Variants in ZNF518A observed in about 807,000 individuals in gnomAD.
ZNF518A encodes the protein zinc finger protein 518A, also known as zinc finger protein 518.
ZNF518A carries 47 observed loss-of-function variants against 102.7 expected under a neutral mutation model. The ratio of observed to expected loss-of-function variants is 0.46; its 90% CI spans 0.36 to 0.58. The LOEUF is 0.58. Among genes scored for constraint, ZNF518A ranks in the 20% least tolerant of loss-of-function variants. The pLI, the probability that ZNF518A is intolerant of heterozygous loss-of-function variation, is 0.00. For synonymous variants in ZNF518A, 652 were observed against 594.6 expected, an observed-to-expected ratio of 1.10 and a Z score of -1.40; for missense variants, 1,793 against 1,699.8, an observed-to-expected ratio of 1.05 and a Z score of -0.96.
downstream of ZNF518A, chr10:96,204,622 T>A: frequency 6.2e-7 from 1 of 1,613,606 alleles, no homozygotes; most frequent in South Asian, 1.1e-5. Context: ...TTTTTCTGGA[T>A]CAGGAAAATT....
chr10:96,204,107 G>C (rs782569622), exon 3 of ZNF518A: 1 of 1,613,468 alleles, frequency 6.2e-7, no homozygotes, highest in Non-Finnish European at 8.5e-7. Context: ...AAGAATTTCA[G>C]ATAATTAAAG....
At chr10:96,138,149 G>A (rs1336811684) in intron 3 of ZNF518A, among the ~76,000 whole-genome samples, 2 of 152,116 alleles carry the variant, frequency 1.3e-5, no homozygotes, top group Admixed American at 1.3e-4. Context: ...ATTGTACTGT[G>A]TAGTCTTTGT....
intron 3 of ZNF518A, among the ~76,000 whole-genome samples, chr10:96,149,301 G>GA (rs1777721287): frequency 6.6e-6 from 1 of 152,002 alleles, no homozygotes; most frequent in South Asian, 2.1e-4. Flanking sequence ...CTTAGAAGCA[G>GA]AAAAAAAGGG....
intron 1 of ZNF518A, among the ~76,000 whole-genome samples, chr10:96,190,634 T>C (rs1323512140): frequency 6.6e-6 from 1 of 152,228 alleles, no homozygotes; most frequent in Non-Finnish European, 1.5e-5. Flanking sequence ...AATTATTACC[T>C]TCTGGCCTTT....
rs141011717 is a variant in ZNF518A, at chr10:96,139,928, G to A, written c.-302+6280G>A. On this transcript the variant is annotated intron_variant, in intron 3 of 5. Coordinates refer to ENST00000316045, the MANE Select transcript of ZNF518A (RefSeq NM_001330736.2). ...GGCTGGAGTGCAATGGTGTGATCTC[G>A]GCTGACTGCAACCTCCACCTCCCGG... Among the ~76,000 whole-genome samples the A allele has an allele frequency of 5.5e-3, 837 of 151,688 alleles. 6 individuals are homozygous for A. Among genetic ancestry groups the A allele is most frequent in the South Asian group, 0.013 (62 of 4,786 alleles).
At chr10:96,149,500 GAAGAGAATCTTAGCATCCAACTAT>G (rs1564758039) in intron 3 of ZNF518A, among the ~76,000 whole-genome samples, 1 of 152,210 alleles carries the variant, frequency 6.6e-6, no homozygotes, top group African/African-American at 2.4e-5. Context: ...ATAGAGTGGG[GAAGAGAATCTTAGCATCCAACTAT>G]AAGTCAACCA....
rs782055417 is a variant in ZNF518A, at chr10:96,156,314, G to T, written c.-9G>T. ...GAAAAAAAGAAATTGGGACTTTTTT[G>T]GTTAAATCATGCCATCTGAACAGAA... On this transcript the variant is annotated 5_prime_UTR_variant, in exon 6 of 6. Coordinates refer to ENST00000316045, the MANE Select transcript of ZNF518A (RefSeq NM_001330736.2). The T allele has an allele frequency of 6.5e-7, 1 of 1,548,124 alleles. No homozygotes were observed. The highest frequency in any genetic ancestry group is 2.3e-5 in the East Asian group (1 of 44,274).
chr10:96,158,948 G>C lies in ZNF518A; in HGVS notation c.2626G>C (p.Glu876Gln). ...SSIPQDVRDSEKMPRISGFGT... is the reference protein window; with the variant it reads ...SSIPQDVRDSQKMPRISGFGT... ...AATACCACAAGATGTGAGAGATTCA[G>C]AGAAGATGCCTAGAATTTCAGGTTT... The change falls in exon 6 of 6, where the codon GAG (glutamate) becomes CAG (glutamine). Residue 876 changes from glutamate to glutamine, a missense_variant. Glu to Gln is a conservative substitution (Grantham distance 29). Coordinates refer to ENST00000316045, the MANE Select transcript of ZNF518A (RefSeq NM_001330736.2). 6.2e-7 allele frequency: 1 copy of C among 1,613,578 alleles called. No homozygotes were observed. Among genetic ancestry groups the C allele is most frequent in the Non-Finnish European group, 8.5e-7 (1 of 1,179,698 alleles).
At chr10:96,186,381 C>T (rs587654575) in intron 1 of ZNF518A, among the ~76,000 whole-genome samples, 4 of 152,290 alleles carry the variant, frequency 2.6e-5, no homozygotes, top group East Asian at 1.9e-4. Context: ...TTAATATGCT[C>T]ATGGAACAAT....
At chr10:96,185,363 G>A (rs1951111447) in intron 1 of ZNF518A, among the ~76,000 whole-genome samples, 1 of 152,194 alleles carries the variant, frequency 6.6e-6, no homozygotes, top group South Asian at 2.1e-4. Flanking sequence ...GAGAGGAGCT[G>A]CAATCCTTTG....
rs782803552 is a variant in ZNF518A, at chr10:96,204,057, T to C, written n.228T>C. On this transcript the variant is annotated non_coding_transcript_exon_variant, in exon 3 of 3. Coordinates refer to the ZNF518A transcript ENST00000442635. ...CACTACATGGCTTCGTTGTACTTAC[T>C]TGGCAGAGGTATGGGTTTTTGGTGG... is the stretch of plus-strand genomic sequence containing the variant. 4 of 1,613,430 alleles carry C rather than the reference T, an allele frequency of 2.5e-6. No homozygotes were observed. In the South Asian group the frequency reaches 3.3e-5, roughly 13 times the overall value.
intron 1 of ZNF518A, among the ~76,000 whole-genome samples, chr10:96,195,802 T>C (rs2083451071): frequency 6.6e-6 from 1 of 152,210 alleles, no homozygotes; most frequent in Admixed American, 6.5e-5. Context: ...TATATGTGGT[T>C]TTTTAACCAC....
downstream of ZNF518A, among the ~76,000 whole-genome samples, chr10:96,167,705 A>G (rs1448123095): frequency 1.3e-5 from 2 of 152,230 alleles, no homozygotes; most frequent in African/African-American, 4.8e-5. Flanking sequence ...ATCTGAAACA[A>G]AAAGTTTGAA....
At chr10:96,171,367 G>A (rs1372232252) in intron 1 of ZNF518A, among the ~76,000 whole-genome samples, 3 of 152,122 alleles carry the variant, frequency 2.0e-5, no homozygotes, top group Non-Finnish European at 4.4e-5. Context: ...AAATAAATGA[G>A]ATAGTAATTT....
At chr10:96,147,456 TTC>T (rs1434888699) in intron 3 of ZNF518A, among the ~76,000 whole-genome samples, 1 of 152,160 alleles carries the variant, frequency 6.6e-6, no homozygotes, top group South Asian at 2.1e-4. Context: ...TGTCATGTCT[TTC>T]TCTCTCTCTG....
intron 3 of ZNF518A, among the ~76,000 whole-genome samples, chr10:96,151,737 CTGTT>C (rs1338321205): frequency 3.3e-5 from 5 of 152,186 alleles, no homozygotes; most frequent in African/African-American, 7.2e-5. Flanking sequence ...TCTCACCAGA[CTGTT>C]TGCTGTCAGA....
At chr10:96,190,600 G>A (rs1351093632) in intron 1 of ZNF518A, among the ~76,000 whole-genome samples, 1 of 152,208 alleles carries the variant, frequency 6.6e-6, no homozygotes, top group African/African-American at 2.4e-5. Context: ...ATTATCTTTA[G>A]AAGTGAGTCA....
intron 2 of ZNF518A, 64 bp from the exon 3 acceptor site, chr10:96,133,519 T>G (rs1396692444): frequency 2.6e-5 from 4 of 152,192 alleles, no homozygotes; most frequent in Non-Finnish European, 5.9e-5. Context: ...ATTGTACCCA[T>G]GTAAAAAAAC....
In ZNF518A at chr10:96,157,324, C is replaced by G; in HGVS notation, c.1002C>G (p.Asn334Lys). Residue 334 changes from asparagine to lysine, a missense_variant, in exon 6 of 6, where the codon AAC (asparagine) becomes AAG (lysine). Around this residue, in one of 3 missense-constraint regions of ZNF518A, gnomAD observed 1,741 missense variants for 1,622.6 expected, o/e 1.07. Transcript: ENST00000316045. ...RKTFWKRKKINSGSDRSIEKN... is the reference protein window; with the variant it reads ...RKTFWKRKKIKSGSDRSIEKN... Reference sequence around the variant, plus strand: ...CGTTCTGGAAACGTAAGAAAATTAACAGTGGAAGTGACAGAAGTATAGAAA... The same window carrying G: ...CGTTCTGGAAACGTAAGAAAATTAAGAGTGGAAGTGACAGAAGTATAGAAA... 6.2e-7 allele frequency: 1 copy of G among 1,611,436 alleles called. No individual in the cohort carries two copies. Among genetic ancestry groups the G allele is most frequent in the Non-Finnish European group, 8.5e-7 (1 of 1,178,646 alleles).
Sources: allele counts gnomAD v4.1 joint callset (sites outside exome capture counted in the v4.1 genomes callset), GRCh38; gene constraint gnomAD v4.1.1; regional missense constraint gnomAD v4.1.1; transcripts MANE v1.5; gene names NCBI Gene and HGNC (gene_info 2026-07-23, HGNC 2026-07-21).